DPYD: variants seen among roughly 807,000 people sequenced by gnomAD.
DPYD encodes the protein dihydropyrimidine dehydrogenase [NADP(+)].
In DPYD, 109 loss-of-function variants were observed where a neutral mutation model predicts 116.2. The observed-to-expected ratio is 0.94, with a 90% CI of 0.80 to 1.10. DPYD has a LOEUF of 1.10. Ranked by LOEUF, DPYD falls within the 50% of genes least tolerant of loss-of-function variation. DPYD has a pLI of 0.00. For missense variants in DPYD, 1,302 were observed against 1,254.5 expected, an observed-to-expected ratio of 1.04 and a Z score of -0.57; for synonymous variants, 440 against 432.0, an observed-to-expected ratio of 1.02 and a Z score of -0.23.
chr1:97,158,253 G>A (rs1655630290), intron 20 of DPYD, among the ~76,000 whole-genome samples: 1 of 151,928 alleles, frequency 6.6e-6, no homozygotes, highest in South Asian at 2.1e-4. Context: ...CTGATTTAGC[G>A]ATGGCAGTAC....
intron 14 of DPYD, among the ~76,000 whole-genome samples, chr1:97,393,704 T>C (rs1672846695): frequency 6.6e-6 from 1 of 152,138 alleles, no homozygotes; most frequent in African/African-American, 2.4e-5. Context: ...TGATGGACAT[T>C]TGGGTTGGTT....
At chr1:97,271,991 C>A (rs1302014341) in intron 18 of DPYD, among the ~76,000 whole-genome samples, 2 of 152,092 alleles carry the variant, frequency 1.3e-5, no homozygotes, top group Non-Finnish European at 2.9e-5. Flanking sequence ...AAATTTTATT[C>A]TTTCTGCAAT....
intron 20 of DPYD, among the ~76,000 whole-genome samples, chr1:97,192,104 T>A (rs1011197043): frequency 1.3e-5 from 2 of 152,042 alleles, no homozygotes; most frequent in African/African-American, 4.8e-5. Flanking sequence ...ACATTACTCT[T>A]GAAGAAGGGT....
intron 5 of DPYD, among the ~76,000 whole-genome samples, chr1:97,713,967 A>C (rs1415516156): frequency 6.6e-6 from 1 of 152,070 alleles, no homozygotes; most frequent in South Asian, 2.1e-4. Context: ...GACCTGCAAA[A>C]AGTTATTAGC....
intron 4 of DPYD, among the ~76,000 whole-genome samples, chr1:97,724,303 GGGGGGTGTGT>G (rs1557910204): frequency 6.9e-5 from 1 of 14,448 alleles, no homozygotes; most frequent in African/African-American, 2.8e-4. Context: ...TGGGGGGGGG[GGGGGGTGTGT>G]GTGTGTGTGT....
chr1:97,267,387 G>A (rs565680862), intron 18 of DPYD, among the ~76,000 whole-genome samples: 36 of 152,192 alleles, frequency 2.4e-4, no homozygotes, highest in African/African-American at 7.2e-4. Flanking sequence ...GGAAGAAAGG[G>A]TATCAGTGAT....
chr1:97,444,348 A>G (rs1675957953), intron 14 of DPYD, among the ~76,000 whole-genome samples: 1 of 152,200 alleles, frequency 6.6e-6, no homozygotes. Context: ...TACCCAAGAC[A>G]GTCAATGCAA....
chr1:97,593,142 G>A (rs866949518), intron 10 of DPYD, 76 bp downstream of exon 10: 31 of 1,514,266 alleles, frequency 2.0e-5, no homozygotes, highest in Middle Eastern at 3.4e-4. Flanking sequence ...ACATTCTAGC[G>A]ATTTAAACAT....
At chr1:97,225,929 G>T (rs1002963211) in intron 19 of DPYD, among the ~76,000 whole-genome samples, 2 of 151,962 alleles carry the variant, frequency 1.3e-5, no homozygotes, top group Non-Finnish European at 2.9e-5. Flanking sequence ...ACCCAGAAAA[G>T]GGTACTATAG....
chr1:97,352,074 T>C lies in DPYD; in HGVS notation c.2058+21487A>G, dbSNP rs555764530. Among the ~76,000 whole-genome samples, 5 of 152,192 alleles carry C rather than the reference T, an allele frequency of 3.3e-5. No individual in the cohort carries two copies. The South Asian group carries it at 6.2e-4, about 19-fold the overall frequency. Reference sequence around the variant, plus strand: ...CTTTGGTATTCACTGCCAAGGAGGTTTGAACTTTCTAAAATGATGCAGTGA... The same window carrying C: ...CTTTGGTATTCACTGCCAAGGAGGTCTGAACTTTCTAAAATGATGCAGTGA... On this transcript the variant is annotated intron_variant, in intron 16 of 22. Transcript: ENST00000370192.
chr1:97,878,677 C>T (rs1418797038), intron 2 of DPYD, among the ~76,000 whole-genome samples: 2 of 151,982 alleles, frequency 1.3e-5, no homozygotes, highest in African/African-American at 4.8e-5. Flanking sequence ...ACCTTGCCTC[C>T]CATCTTTTCA....
chr1:97,444,427 A>G (rs1675964364), intron 14 of DPYD, among the ~76,000 whole-genome samples: 1 of 152,202 alleles, frequency 6.6e-6, no homozygotes, highest in African/African-American at 2.4e-5. Flanking sequence ...AGATACATAA[A>G]GCCCTTAGCA....
chr1:97,455,836 T>A (rs1363818692), intron 13 of DPYD, among the ~76,000 whole-genome samples: 1 of 151,956 alleles, frequency 6.6e-6, no homozygotes, highest in Non-Finnish European at 1.5e-5. Context: ...TAAGTATTTG[T>A]TCCCAATAAA....
intron 19 of DPYD, among the ~76,000 whole-genome samples, chr1:97,226,772 T>A (rs1414572108): frequency 6.6e-6 from 1 of 152,156 alleles, no homozygotes. Flanking sequence ...ACTGGAAGAA[T>A]CAATAGTGTT....
chr1:97,217,804 A>G (rs924680987), intron 19 of DPYD, among the ~76,000 whole-genome samples: 6 of 152,202 alleles, frequency 3.9e-5, no homozygotes, highest in Middle Eastern at 3.2e-3. Context: ...TGATGTGCCA[A>G]TCATTGTTGG....
chr1:97,639,768 C>A (rs1307746530), intron 8 of DPYD, among the ~76,000 whole-genome samples: 1 of 152,060 alleles, frequency 6.6e-6, no homozygotes, highest in Admixed American at 6.6e-5. Context: ...AACATTGATT[C>A]CAATTATCTC....
At chr1:97,890,691 T>C (rs1201241931) in intron 1 of DPYD, among the ~76,000 whole-genome samples, 2 of 151,964 alleles carry the variant, frequency 1.3e-5, no homozygotes, top group Non-Finnish European at 2.9e-5. Flanking sequence ...AATTGAGAAA[T>C]AAAAAGACAC....
At chr1:97,824,657 C>T (rs1669139194) in intron 3 of DPYD, among the ~76,000 whole-genome samples, 3 of 152,082 alleles carry the variant, frequency 2.0e-5, no homozygotes, top group South Asian at 2.1e-4. Context: ...CACAGAAAAA[C>T]GGCCAGGAAT....
intron 14 of DPYD, among the ~76,000 whole-genome samples, chr1:97,386,456 T>C (rs1672354485): frequency 6.6e-6 from 1 of 152,026 alleles, no homozygotes; most frequent in Non-Finnish European, 1.5e-5. Flanking sequence ...GAGATCCCCT[T>C]TGCAGCCACT....
Sources: allele counts gnomAD v4.1 joint callset (sites outside exome capture counted in the v4.1 genomes callset), GRCh38; gene constraint gnomAD v4.1.1; transcripts MANE v1.5; gene names NCBI Gene and HGNC (gene_info 2026-07-23, HGNC 2026-07-21).